The following TET3 variants were observed in gnomAD, a reference collection of about 807,000 sequenced individuals.
TET3 encodes tet methylcytosine dioxygenase 3.
Under a neutral mutation model 141.4 loss-of-function variants are expected in TET3, and 19 were observed. The ratio of observed to expected loss-of-function variants is 0.13; its 90% CI spans 0.09 to 0.20. The LOEUF (loss-of-function observed/expected upper bound fraction) is 0.20, where lower values mean the gene tolerates loss of function less well. TET3 is among the 10% of genes least tolerant of loss of function. The probability of loss-of-function intolerance (pLI) is 1.00; values close to 1 mark genes in which losing one functional copy is unlikely to be tolerated. For synonymous variants in TET3, 1,043 were observed against 980.9 expected (o/e 1.06, Z -1.18); for missense variants, 1,874 against 2,356.9 (o/e 0.80, Z 4.24).
intron 4 of TET3, among the ~76,000 whole-genome samples, chr2:74,062,169 G>A (rs984795109): frequency 8.5e-5 from 13 of 152,202 alleles, no homozygotes; most frequent in East Asian, 1.9e-4. Context: ...CTGCAATCCC[G>A]GCACCTCGGG....
chr2:74,127,068 G>T, the TET3 span, among the ~76,000 whole-genome samples: 1 of 152,178 alleles, frequency 6.6e-6, no homozygotes, highest in Non-Finnish European at 1.5e-5. Context: ...TGGGTCAGAA[G>T]AAAAGTGTCA....
chr2:73,999,237 T>G (rs1016263881), intron 2 of TET3, among the ~76,000 whole-genome samples: 10 of 152,160 alleles, frequency 6.6e-5, no homozygotes, highest in African/African-American at 2.4e-4. Context: ...GCTGTGCTGC[T>G]GCAAGTGAGG....
chr2:74,127,742 C>T, the TET3 span, among the ~76,000 whole-genome samples: 1 of 151,102 alleles, frequency 6.6e-6, no homozygotes, highest in East Asian at 1.9e-4. Context: ...GGAAAAATAG[C>T]TTAATAGGTT....
intron 2 of TET3, among the ~76,000 whole-genome samples, chr2:73,997,719 T>G (rs977887581): frequency 6.6e-6 from 1 of 152,194 alleles, no homozygotes; most frequent in African/African-American, 2.4e-5. Flanking sequence ...CTGGCCCCAT[T>G]CAGCAAACCT....
At position 74,087,494 on chromosome 2, in the gene TET3, G is replaced by A. The variant is rs1375781238; in HGVS notation, c.2680-336G>A. On this transcript the variant is annotated intron_variant, in intron 6 of 11. Coordinates refer to ENST00000409262, the MANE Select transcript of TET3 (RefSeq NM_001287491.2). The surrounding 1 kb of genome is among the most constrained non-coding windows in gnomAD (Gnocchi z 4.3). ...TTTAGGATAACATAAAAATCTGACTGTATTTTGGCTTACAATTTTTATCTG... is the reference window on the plus strand; with the variant it reads ...TTTAGGATAACATAAAAATCTGACTATATTTTGGCTTACAATTTTTATCTG... Among the ~76,000 whole-genome samples the A allele has an allele frequency of 1.3e-5, 2 of 152,112 alleles. No individual in the cohort carries two copies. The highest frequency in any genetic ancestry group is 2.9e-5 in the Non-Finnish European group (2 of 68,008).
Position 74,101,249 on chromosome 2 carries a change from T to C in TET3, c.4461T>C (p.Asp1487=), listed in dbSNP as rs1691193640. Residue 1487 remains aspartate, a synonymous_variant, in exon 12 of 12, where the codon GAT becomes GAC. Transcript: ENST00000409262. The surrounding 1 kb of genome is among the most constrained non-coding windows in gnomAD (Gnocchi z 8.5). ...ASCLAPSHFT[D]GQWGLFPGEG... is the part of the protein sequence containing the mutation. ...GCCTGGCCCCTTCCCACTTCACAGA[T>C]GGCCAGTGGGGGCTGTTCCCCGGTG... The C allele has an allele frequency of 3.7e-6, 6 of 1,612,734 alleles. No individual in the cohort carries two copies. The highest frequency in any genetic ancestry group is 4.2e-6 in the Non-Finnish European group (5 of 1,179,400).
At chr2:74,006,128 TTC>T (rs1349964448) in intron 3 of TET3, among the ~76,000 whole-genome samples, 1 of 152,216 alleles carries the variant, frequency 6.6e-6, no homozygotes, top group East Asian at 1.9e-4. Flanking sequence ...ATCCTCGACT[TTC>T]TATACACTCT....
intron 5 of TET3, 88 bp from the exon 6 acceptor site, chr2:74,080,410 A>G: frequency 8.4e-7 from 1 of 1,186,194 alleles, no homozygotes; most frequent in African/African-American, 1.5e-5. Context: ...AAACTCAAAC[A>G]AAAGCACACT....
chr2:74,120,345 C>T, the TET3 span, among the ~76,000 whole-genome samples: 3 of 152,260 alleles, frequency 2.0e-5, no homozygotes, highest in African/African-American at 7.2e-5. Context: ...GGTCCCAGCC[C>T]GGCAGGAGCT....
chr2:74,069,881 A>G (rs947927134), intron 4 of TET3, among the ~76,000 whole-genome samples: 4 of 152,120 alleles, frequency 2.6e-5, no homozygotes, highest in Non-Finnish European at 4.4e-5. Context: ...TACAGGTGTG[A>G]GCCACCGTGC....
At chr2:74,032,600 C>T (rs963522434) in intron 3 of TET3, among the ~76,000 whole-genome samples, 15 of 152,090 alleles carry the variant, frequency 9.9e-5, no homozygotes, top group Non-Finnish European at 2.1e-4. Context: ...AGAGCAGCTG[C>T]TGCTGCTTTT....
intron 5 of TET3, among the ~76,000 whole-genome samples, chr2:74,080,163 A>G (rs1026486205): frequency 6.6e-6 from 1 of 152,192 alleles, no homozygotes; most frequent in Non-Finnish European, 1.5e-5. Context: ...GCTGGATACA[A>G]ATGCCCATGT....
chr2:74,100,168 G>A (rs575352848), intron 11 of TET3, among the ~76,000 whole-genome samples: 60 of 152,246 alleles, frequency 3.9e-4, no homozygotes, highest in South Asian at 1.0e-3. Flanking sequence ...AGCAGGGATC[G>A]CCTCCTCCCA....
chr2:74,084,124 G>A (rs574389065), intron 6 of TET3, among the ~76,000 whole-genome samples: 42 of 152,318 alleles, frequency 2.8e-4, no homozygotes, highest in African/African-American at 8.7e-4. Flanking sequence ...TAGTGGGGAA[G>A]CACCGTTCTT....
At chr2:73,994,554 A>G (rs964769753) in intron 2 of TET3, among the ~76,000 whole-genome samples, 1 of 151,430 alleles carries the variant, frequency 6.6e-6, no homozygotes, top group African/African-American at 2.4e-5. Context: ...GTTGGGAGGG[A>G]GATTCACATT....
At chr2:74,036,328 TG>T (rs772886982) in intron 3 of TET3, among the ~76,000 whole-genome samples, 2 of 152,370 alleles carry the variant, frequency 1.3e-5, no homozygotes, top group East Asian at 3.9e-4. Context: ...GATCTTCTTT[TG>T]TATTTTTCTG....
At position 74,061,880 on chromosome 2, in the gene TET3, G is replaced by T. The variant is rs1271077676; in HGVS notation, c.2495-11669G>T. Among the ~76,000 whole-genome samples, 18 of 149,440 alleles carry T rather than the reference G, an allele frequency of 1.2e-4. 1 individual carries two copies. Among genetic ancestry groups the T allele is most frequent in the Middle Eastern group, 6.9e-3 (2 of 288 alleles). ...CATGGGATGGCGGCCGGGAAGAGGC[G>T]CTCCTCACTTCCTAGATGGGATGGC... On this transcript the variant is annotated intron_variant, in intron 4 of 11. Coordinates refer to ENST00000409262, the MANE Select transcript of TET3 (RefSeq NM_001287491.2).
chr2:74,110,287 C>G (rs184522263), downstream of TET3, among the ~76,000 whole-genome samples: 3 of 152,058 alleles, frequency 2.0e-5, no homozygotes, highest in African/African-American at 7.3e-5. Flanking sequence ...CCCACTCTCC[C>G]TGCCTATTTT....
chr2:74,019,290 G>C (rs183334614), intron 3 of TET3, among the ~76,000 whole-genome samples: 1 of 152,136 alleles, frequency 6.6e-6, no homozygotes, highest in African/African-American at 2.4e-5. Context: ...TAAATGAAAC[G>C]TTTTAAGGTT....
Sources: gnomAD v4.1 joint callset for allele counts (sites outside exome capture counted in the v4.1 genomes callset) on GRCh38, gnomAD v4.1.1 for gene constraint, Gnocchi (gnomAD v3.1) non-coding constraint, MANE v1.5 for transcripts, NCBI Gene and HGNC (gene_info 2026-07-23, HGNC 2026-07-21) for gene names.